FGF14: variants seen among roughly 807,000 people sequenced by gnomAD.
FGF14 encodes fibroblast growth factor 14, also known as fibroblast growth factor homologous factor 4.
FGF14 carries 5 observed loss-of-function variants against 25.5 expected under a neutral mutation model. The observed-to-expected ratio is 0.20, with a 90% confidence interval of 0.10 to 0.41. The LOEUF is 0.41. FGF14 is among the 10% of genes least tolerant of loss of function. The pLI is 1.00. For synonymous variants in FGF14, 138 were observed against 118.3 expected, an observed-to-expected ratio of 1.17 and a Z score of -1.08; for missense variants, 222 against 320.1, an observed-to-expected ratio of 0.69 and a Z score of 2.34.
intron 1 of FGF14, among the ~76,000 whole-genome samples, chr13:102,163,803 T>TGAACTAA (rs1330428368): frequency 7.2e-5 from 11 of 151,956 alleles, no homozygotes; most frequent in African/African-American, 1.9e-4. Flanking sequence ...CTGAAGGCTT[T>TGAACTAA]AGTTCAAGGT....
intron 1 of FGF14, among the ~76,000 whole-genome samples, chr13:102,004,590 A>C (rs994204664): frequency 6.6e-6 from 1 of 152,122 alleles, no homozygotes; most frequent in Non-Finnish European, 1.5e-5. Flanking sequence ...CTGATTACTG[A>C]TTGGAACTGG....
chr13:102,056,576 C>T (rs944445126), intron 1 of FGF14, among the ~76,000 whole-genome samples: 9 of 151,970 alleles, frequency 5.9e-5, no homozygotes, highest in Non-Finnish European at 1.0e-4. Context: ...ATTTGTGGTT[C>T]CATAAATACT....
chr13:101,997,311 T>C (rs1181232147), intron 1 of FGF14, among the ~76,000 whole-genome samples: 1 of 152,198 alleles, frequency 6.6e-6, no homozygotes, highest in African/African-American at 2.4e-5. Flanking sequence ...TGGATGCTGC[T>C]TTGATTTTGG....
At chr13:102,054,895 T>C (rs1422543714) in intron 1 of FGF14, among the ~76,000 whole-genome samples, 4 of 152,332 alleles carry the variant, frequency 2.6e-5, no homozygotes, top group Middle Eastern at 6.8e-3. Context: ...AAGAATCCTC[T>C]GAAACTATCA....
At chr13:102,358,343 A>C (rs1484560501) in intron 1 of FGF14, among the ~76,000 whole-genome samples, 1 of 152,206 alleles carries the variant, frequency 6.6e-6, no homozygotes, top group Non-Finnish European at 1.5e-5. Flanking sequence ...AGACATTGAC[A>C]CCATAACAGT....
At chr13:101,921,942 G>C (rs183428381), upstream of FGF14, among the ~76,000 whole-genome samples, 3 of 152,198 alleles carry the variant, frequency 2.0e-5, no homozygotes, top group Admixed American at 2.0e-4. Flanking sequence ...TACATAGCAC[G>C]TACAACTTTT....
At chr13:101,748,949 T>C (rs2037082298) in intron 3 of FGF14, among the ~76,000 whole-genome samples, 1 of 151,920 alleles carries the variant, frequency 6.6e-6, no homozygotes, top group South Asian at 2.1e-4. Context: ...AAACAAAACT[T>C]GGTAGGTACA....
At chr13:101,748,747 T>TAAAAAAAAAA (rs55785965) in intron 3 of FGF14, among the ~76,000 whole-genome samples, 1 of 70,694 alleles carries the variant, frequency 1.4e-5, no homozygotes, top group African/African-American at 5.4e-5. Flanking sequence ...TGGAGGTTTC[T>TAAAAAAAAAA]AAAAAAAAAA....
intron 1 of FGF14, among the ~76,000 whole-genome samples, chr13:102,124,580 AC>A (rs1413307692): frequency 2.0e-5 from 3 of 152,132 alleles, no homozygotes; most frequent in African/African-American, 7.2e-5. Context: ...CTTAGAATGC[AC>A]CAGTATGGAT....
chr13:102,310,208 A>AG (rs1321440745), intron 1 of FGF14, among the ~76,000 whole-genome samples: 1 of 152,226 alleles, frequency 6.6e-6, no homozygotes, highest in Non-Finnish European at 1.5e-5. Flanking sequence ...GGTGAGAAGA[A>AG]GGAAAAACAA....
rs560813211 is a variant in FGF14 at position 102,084,216 on chromosome 13, CCTCTAA to C, written c.209-208926_209-208921del. Among the ~76,000 whole-genome samples, 58 of 152,266 alleles carry C rather than the reference CCTCTAA, an allele frequency of 3.8e-4. No homozygotes were observed. In the East Asian group the frequency reaches 9.7e-3, roughly 25 times the overall value. On this transcript the variant is annotated intron_variant, in intron 1 of 4. Transcript: ENST00000376131. The stretch of plus-strand genomic sequence containing the variant: ...ATGGAACTTCCCACACATTTCCTAA[CCTCTAA>C]CTCTGTTTCTTTATTTTTCTTTTGC...
chr13:102,100,678 T>G (rs1260333604), intron 1 of FGF14, among the ~76,000 whole-genome samples: 4 of 152,206 alleles, frequency 2.6e-5, no homozygotes, highest in Non-Finnish European at 4.4e-5. Context: ...GCAAGCTCAT[T>G]TGTGCATACA....
chr13:101,977,133 T>A (rs183640503), intron 1 of FGF14, among the ~76,000 whole-genome samples: 2 of 152,200 alleles, frequency 1.3e-5, no homozygotes, highest in East Asian at 3.9e-4. Flanking sequence ...CACATCCACA[T>A]AACTACCAAT....
chr13:102,140,808 T>C (rs1287801705), intron 1 of FGF14, among the ~76,000 whole-genome samples: 3 of 152,180 alleles, frequency 2.0e-5, no homozygotes, highest in Admixed American at 2.0e-4. Context: ...ACTGACAACA[T>C]GCCTTGTTGT....
rs138807843 is a variant in FGF14, at chr13:101,820,954, C to CTT, written c.408+47769_408+47770dup. 9.3e-4 allele frequency among the ~76,000 whole-genome samples: 132 copies of CTT among 141,324 alleles called. 1 individual carries two copies. Among genetic ancestry groups the CTT allele is most frequent in the African/African-American group, 3.1e-3 (121 of 38,816 alleles). 92.7% of individuals were successfully genotyped at this position (141,324 alleles called of 152,430 possible). A position where few individuals can be genotyped will look rare whatever the true frequency, so the allele number is the denominator to read the frequency against. On this transcript the variant is annotated intron_variant, in intron 3 of 4. Transcript: ENST00000376143. ...TTCTATCATAGAAGATTAGATTTTG[C>CTT]TTTTTTTTTTTTTGAGACAGAGTCT...
rs866766673 is a variant in FGF14, at chr13:102,135,639, T to G, written c.209-260343A>C. On this transcript the variant is annotated intron_variant, in intron 1 of 4. Transcript: ENST00000376131. The stretch of plus-strand genomic sequence containing the variant: ...ACAGAATTTCTCTACATGTGGGATT[T>G]GAAGTGCAATTGCAATGAAATATTG... Among the ~76,000 whole-genome samples the G allele has an allele frequency of 5.1e-4, 77 of 152,300 alleles. 2 individuals are homozygous for G. The highest frequency in any genetic ancestry group is 3.4e-3 in the Middle Eastern group (1 of 294).
intron 1 of FGF14, among the ~76,000 whole-genome samples, chr13:102,085,240 G>T (rs1455958139): frequency 6.6e-6 from 1 of 151,796 alleles, no homozygotes; most frequent in Admixed American, 6.6e-5. Flanking sequence ...ATGTGTATGT[G>T]CTGGTGGGGG....
intron 1 of FGF14, among the ~76,000 whole-genome samples, chr13:102,147,704 G>A (rs2046911187): frequency 6.6e-6 from 1 of 152,132 alleles, no homozygotes; most frequent in Admixed American, 6.5e-5. Flanking sequence ...GGAGGAGGTG[G>A]ATGGTCTGCC....
intron 1 of FGF14, among the ~76,000 whole-genome samples, chr13:101,941,648 G>C (rs961478515): frequency 1.3e-5 from 2 of 152,170 alleles, no homozygotes; most frequent in Admixed American, 1.3e-4. Flanking sequence ...GCCATTTCTA[G>C]TTAGGCTTTT....
Sources: allele counts gnomAD v4.1 joint callset (sites outside exome capture counted in the v4.1 genomes callset), GRCh38; gene constraint gnomAD v4.1.1; transcripts MANE v1.5; gene names NCBI Gene and HGNC (gene_info 2026-07-23, HGNC 2026-07-21).